The following CLDN19 variants were observed in gnomAD, a reference collection of about 807,000 sequenced individuals.
The protein encoded by CLDN19 is claudin 19, also known as claudin-19.
Under a neutral mutation model 24.5 loss-of-function variants are expected in CLDN19, and 19 were observed. That is an observed-to-expected ratio of 0.78 (90% confidence interval 0.54 to 1.14). The LOEUF (loss-of-function observed/expected upper bound fraction) is 1.14, where lower values mean the gene tolerates loss of function less well. CLDN19 is among the 50% of genes most tolerant of loss of function. CLDN19 has a pLI of 0.00. For missense variants in CLDN19, 250 were observed against 295.9 expected (o/e 0.84, Z 1.14); for synonymous variants, 117 against 129.6 (o/e 0.90, Z 0.66).
Position 42,735,915 on chromosome 1 carries a change from G to C in CLDN19, c.589C>G (p.Gln197Glu). 1 of 1,580,142 alleles carries C rather than the reference G, an allele frequency of 6.3e-7. No individual in the cohort carries two copies. Among genetic ancestry groups the C allele is most frequent in the Non-Finnish European group, 8.6e-7 (1 of 1,162,874 alleles). ...PEPERPNSSPQPYRPGPSAAA... is the reference protein window; with the variant it reads ...PEPERPNSSPEPYRPGPSAAA... ...GCAGAGGGTCCAGGCCGATAGGGCTGTGGGCTGCTGTTGGGTCTCTCTGGC... is the reference window on the plus strand; with the variant it reads ...GCAGAGGGTCCAGGCCGATAGGGCTCTGGGCTGCTGTTGGGTCTCTCTGGC... The change falls in exon 4 of 5, where the codon CAG (glutamine) becomes GAG (glutamate). Residue 197 changes from glutamine (Q) to glutamate (E), a missense_variant. Coordinates refer to ENST00000296387, the MANE Select transcript of CLDN19 (RefSeq NM_148960.3).
chr1:42,738,334 C>T lies in CLDN19; in HGVS notation c.389-21G>A, dbSNP rs538815543. On this transcript the variant is annotated intron_variant, in intron 2 of 4. Coordinates refer to ENST00000296387, the MANE Select transcript of CLDN19 (RefSeq NM_148960.3). ...GAGGCCTAAAGACAAAGCAGAGGGG[C>T]GCTCAGCTCTGCTCTGGCCCCCCGA... 175 of 1,612,024 alleles carry T rather than the reference C, an allele frequency of 1.1e-4. 1 individual carries two copies. The South Asian group carries it at 1.7e-3, about 15-fold the overall frequency.
intron 4 of CLDN19, 76 bp from the exon 5 acceptor site, chr1:42,735,210 C>T (rs913634313): frequency 1.1e-5 from 17 of 1,599,988 alleles, no homozygotes; most frequent in African/African-American, 4.0e-5. Context: ...CATTCAGGCC[C>T]GGACATGGGT....
At position 42,738,451 on chromosome 1, in the gene CLDN19, T is replaced by C; in HGVS notation, c.358A>G (p.Ile120Val). 1.2e-6 allele frequency: 2 copies of C among 1,614,038 alleles called. No individual in the cohort carries two copies. The highest frequency in any genetic ancestry group is 8.5e-7 in the Non-Finnish European group (1 of 1,180,048). ...AGGATGAAGAGGGCTCCCCCGGCGA[T>C]GGCAACACGGCCCTTGGCAATGGGG... is the stretch of plus-strand genomic sequence containing the variant. ...SNPIAKGRVAIAGGALFILAG... is the reference protein window; with the variant it reads ...SNPIAKGRVAVAGGALFILAG... The change falls in exon 2 of 5, where the codon ATC becomes GTC. Residue 120 changes from isoleucine (I) to valine (V), a missense_variant. Ile to Val is a conservative substitution (Grantham distance 29). Coordinates refer to ENST00000296387, the MANE Select transcript of CLDN19 (RefSeq NM_148960.3).
intron 1 of CLDN19, 25 bp from the exon 2 acceptor site, chr1:42,738,610 G>A (rs767496226): frequency 4.3e-6 from 7 of 1,609,298 alleles, no homozygotes; most frequent in Non-Finnish European, 5.1e-6. Context: ...ATGACACTGA[G>A]TCGGGCTGGC....
At chr1:42,738,929 A>G (rs1277067465) in intron 1 of CLDN19, among the ~76,000 whole-genome samples, 1 of 151,982 alleles carries the variant, frequency 6.6e-6, no homozygotes, top group Non-Finnish European at 1.5e-5. Flanking sequence ...GGGTCCCCTC[A>G]GGTTTGGTAG....
At chr1:42,735,303 C>A in intron 4 of CLDN19, 169 bp from the exon 5 acceptor site, 2 of 1,503,942 alleles carry the variant, frequency 1.3e-6, no homozygotes, top group South Asian at 1.3e-5. Context: ...CATGGTCCGA[C>A]CTCACCATCT....
At chr1:42,736,203 C>A (rs533213328) in intron 3 of CLDN19, among the ~76,000 whole-genome samples, 173 bp from the exon 4 acceptor site, 1 of 152,148 alleles carries the variant, frequency 6.6e-6, no homozygotes. Context: ...CCCTCCCCCC[C>A]AGCCCAGAAT....
rs750185505 is a variant in CLDN19 at position 42,739,835 on chromosome 1, G to A, written c.223+6C>T. 4 of 1,611,982 alleles carry A rather than the reference G, an allele frequency of 2.5e-6. No homozygotes were observed. The highest frequency in any genetic ancestry group is 2.2e-5 in the East Asian group (1 of 44,854). On this transcript the variant is annotated splice_donor_region_variant and intron_variant, in intron 1 of 4. Coordinates refer to ENST00000296387, the MANE Select transcript of CLDN19 (RefSeq NM_148960.3). Reference sequence around the variant, plus strand: ...CCATCTCCCACCCCGCCGGCCTGGGGCCTACCGTCCAGGGCGAGCAGCGAG... The same window carrying A: ...CCATCTCCCACCCCGCCGGCCTGGGACCTACCGTCCAGGGCGAGCAGCGAG...
intron 4 of CLDN19, 25 bp from the exon 5 acceptor site, chr1:42,735,159 G>T: frequency 6.2e-7 from 1 of 1,613,744 alleles, no homozygotes; most frequent in Non-Finnish European, 8.5e-7. Context: ...AGAGAGAGCT[G>T]GTTAGTGGAG....
intron 3 of CLDN19, among the ~76,000 whole-genome samples, chr1:42,737,849 T>A (rs12048382): frequency 0.64 from 96,882 of 151,992 alleles, 31,044 homozygotes; most frequent in South Asian, 0.71. Flanking sequence ...TGCCCAGATA[T>A]TTTTTGTATT....
In CLDN19 at chr1:42,735,916, T is replaced by C. The variant is rs1651352001; in HGVS notation, c.588A>G (p.Pro196=). The C allele has an allele frequency of 3.2e-6, 5 of 1,580,310 alleles. No homozygotes were observed. Among genetic ancestry groups the C allele is most frequent in the Non-Finnish European group, 4.3e-6 (5 of 1,162,958 alleles). The part of the protein sequence containing the change: ...CPEPERPNSS[P]QPYRPGPSAA... ...CAGAGGGTCCAGGCCGATAGGGCTGTGGGCTGCTGTTGGGTCTCTCTGGCT... is the reference window on the plus strand; with the variant it reads ...CAGAGGGTCCAGGCCGATAGGGCTGCGGGCTGCTGTTGGGTCTCTCTGGCT... The change falls in exon 4 of 5, where the codon CCA becomes CCG. Residue 196 remains proline, a synonymous_variant. Coordinates refer to ENST00000296387, the MANE Select transcript of CLDN19 (RefSeq NM_148960.3).
At position 42,739,950 on chromosome 1, in the gene CLDN19, G is replaced by A. The variant is rs755860892; in HGVS notation, c.114C>T (p.Asp38=). The A allele has an allele frequency of 2.6e-5, 42 of 1,606,642 alleles. No individual in the cohort carries two copies. Among genetic ancestry groups the A allele is most frequent in the South Asian group, 1.0e-4 (9 of 89,662 alleles). ...PQWKQSSYAG[D]AIITAVGLYE... ...AGAGGCCCACGGCAGTGATGATGGC[G>A]TCGCCTGCGTAGGAAGACTGCTTCC... Residue 38 remains aspartate, a synonymous_variant, in exon 1 of 5, where the codon GAC becomes GAT. Coordinates refer to ENST00000296387, the MANE Select transcript of CLDN19 (RefSeq NM_148960.3).
chr1:42,739,818 C>A, intron 1 of CLDN19, 23 bp downstream of exon 1: 1 of 1,606,996 alleles, frequency 6.2e-7, no homozygotes, highest in South Asian at 1.1e-5. Flanking sequence ...TCCCATCTCC[C>A]ACCCCGCCGG....
At chr1:42,739,355 C>T (rs972290237) in intron 1 of CLDN19, among the ~76,000 whole-genome samples, 1 of 152,232 alleles carries the variant, frequency 6.6e-6, no homozygotes, top group South Asian at 2.1e-4. Flanking sequence ...CCTGTCTGTG[C>T]ATGCATGTGC....
chr1:42,738,252 G>C lies in CLDN19; in HGVS notation c.450C>G (p.Asn150Lys). 1 of 1,613,842 alleles carries C rather than the reference G, an allele frequency of 6.2e-7. No homozygotes were observed. The highest frequency in any genetic ancestry group is 8.5e-7 in the Non-Finnish European group (1 of 1,179,996). The change falls in exon 3 of 5, where the codon AAC (asparagine) becomes AAG (lysine). Residue 150 changes from asparagine (N) to lysine (K), a missense_variant. By Grantham distance (94) the Asn-to-Lys change is moderately conservative. Transcript: ENST00000296387. ...ACCTGGCATTGACAGGTGTGCTTGG[G>C]TTGAAGAACTCCTGGGTCACCAGGG... ...YATLVTQEFF[N>K]PSTPVNARYE...
chr1:42,739,508 G>A (rs1427971236), intron 1 of CLDN19, among the ~76,000 whole-genome samples: 1 of 152,222 alleles, frequency 6.6e-6, no homozygotes, highest in African/African-American at 2.4e-5. Flanking sequence ...GTGGATGAAG[G>A]GTCTTAACTG....
At position 42,735,975 on chromosome 1, in the gene CLDN19, G is replaced by A; in HGVS notation, c.529C>T (p.Leu177=). The change falls in exon 4 of 5, where the codon CTG becomes TTG. Residue 177 remains leucine, a synonymous_variant. Transcript: ENST00000296387. ...VGWASAGLAV[L]GGSFLCCTCP... ...GTGCAGCAGAGGAAGGAGCCGCCCA[G>A]CACGGCCAGGCCAGCTGAGGCCCAG... 1 of 1,575,030 alleles carries A rather than the reference G, an allele frequency of 6.3e-7. No individual in the cohort carries two copies. Among genetic ancestry groups the A allele is most frequent in the Non-Finnish European group, 8.6e-7 (1 of 1,161,006 alleles).
Position 42,734,752 on chromosome 1 carries a change from T to G in CLDN19, c.*334A>C. The G allele has an allele frequency of 6.8e-6, 2 of 293,710 alleles. No homozygotes were observed. Among genetic ancestry groups the G allele is most frequent in the African/African-American group, 2.1e-5 (1 of 47,112 alleles). The allele number at this position is 293,710 out of a possible 1,614,324, so 18.2% of individuals were successfully genotyped here. On this transcript the variant is annotated 3_prime_UTR_variant, in exon 5 of 5. Coordinates refer to ENST00000296387, the MANE Select transcript of CLDN19 (RefSeq NM_148960.3). The stretch of plus-strand genomic sequence containing the variant: ...AAGCCTCAGGGGCAGCCTCCAGGAG[T>G]GAGTGGGATCTCCTATCAAGGAGGA...
chr1:42,735,913 C>A lies in CLDN19; in HGVS notation c.591G>T (p.Gln197His). 6.3e-7 allele frequency: 1 copy of A among 1,579,714 alleles called. No individual in the cohort carries two copies. Among genetic ancestry groups the A allele is most frequent in the East Asian group, 2.3e-5 (1 of 43,306 alleles). ...PEPERPNSSP[Q>H]PYRPGPSAAA... is the part of the protein sequence containing the mutation. Reference sequence around the variant, plus strand: ...CAGCAGAGGGTCCAGGCCGATAGGGCTGTGGGCTGCTGTTGGGTCTCTCTG... The same window carrying A: ...CAGCAGAGGGTCCAGGCCGATAGGGATGTGGGCTGCTGTTGGGTCTCTCTG... Residue 197 changes from glutamine (Q) to histidine (H), a missense_variant, in exon 4 of 5, where the codon CAG (glutamine) becomes CAT (histidine). Coordinates refer to ENST00000296387, the MANE Select transcript of CLDN19 (RefSeq NM_148960.3).
Sources: allele counts gnomAD v4.1 joint callset (sites outside exome capture counted in the v4.1 genomes callset), GRCh38; gene constraint gnomAD v4.1.1; transcripts MANE v1.5; gene names NCBI Gene and HGNC (gene_info 2026-07-23, HGNC 2026-07-21).